Variants in CRMP1 observed in about 807,000 individuals in gnomAD.
CRMP1 encodes the protein dihydropyrimidinase-related protein 1.
In CRMP1, 19 loss-of-function variants were observed where a neutral mutation model predicts 68.3. The ratio of observed to expected loss-of-function variants is 0.28; its 90% CI spans 0.19 to 0.41. The LOEUF (loss-of-function observed/expected upper bound fraction) is 0.41, where lower values mean the gene tolerates loss of function less well. CRMP1 is among the 10% of genes least tolerant of loss of function. The pLI is 1.00. For synonymous variants in CRMP1, 439 were observed against 399.6 expected (o/e 1.10, Z -1.18); for missense variants, 791 against 967.4 (o/e 0.82, Z 2.42).
At chr4:5,837,930 T>A (rs1055147933) in intron 9 of CRMP1, among the ~76,000 whole-genome samples, 1 of 152,168 alleles carries the variant, frequency 6.6e-6, no homozygotes, top group Non-Finnish European at 1.5e-5. Flanking sequence ...AGCTTCTGCA[T>A]GTGTCAGCTA....
chr4:5,852,017 G>A (rs1277199543), intron 4 of CRMP1, among the ~76,000 whole-genome samples: 2 of 152,040 alleles, frequency 1.3e-5, no homozygotes, highest in Non-Finnish European at 2.9e-5. Flanking sequence ...CGAGGAGGAG[G>A]AGGAAAACTC....
rs1268342770 is a variant in CRMP1, at chr4:5,850,842, C to A, written c.882+566G>T. Among the ~76,000 whole-genome samples, 3 of 152,216 alleles carry A rather than the reference C, an allele frequency of 2.0e-5. No homozygotes were observed. The highest frequency in any genetic ancestry group is 1.5e-5 in the Non-Finnish European group (1 of 68,042). On this transcript the variant is annotated intron_variant, in intron 5 of 13. Transcript: ENST00000324989. The surrounding 1 kb of genome is among the most constrained non-coding windows in gnomAD (Gnocchi z 4.4). ...AGGTGTCCTGTAAGTCGTAACCACT[C>A]CTCCTGAAGAACAACTTGCGGCTCC...
intron 4 of CRMP1, among the ~76,000 whole-genome samples, chr4:5,852,326 C>T (rs906673153): frequency 3.3e-5 from 5 of 152,200 alleles, no homozygotes; most frequent in Admixed American, 6.5e-5. Context: ...TTACACCAAA[C>T]GTGTTGGTTT....
chr4:5,836,217 C>T (rs909203086), intron 10 of CRMP1, 132 bp from the exon 11 acceptor site: 3 of 755,446 alleles, frequency 4.0e-6, no homozygotes, highest in East Asian at 3.2e-5. Flanking sequence ...CAGCTAAAAA[C>T]GTGCCATCAT....
Position 5,843,271 on chromosome 4 carries a change from G to A in CRMP1, c.964-110C>T, listed in dbSNP as rs187179451. The stretch of plus-strand genomic sequence containing the variant: ...GGGGGCAGCTGGGTCCCAAAGAGGC[G>A]AGTGGCTTGCACTAGGTTAACAGTG... On this transcript the variant is annotated intron_variant, in intron 6 of 13. Transcript: ENST00000324989. The surrounding 1 kb of genome is among the most constrained non-coding windows in gnomAD (Gnocchi z 4.1). 123 of 1,072,864 alleles carry A rather than the reference G, an allele frequency of 1.1e-4. No homozygotes were observed. The Admixed American group carries it at 1.9e-3, about 16-fold the overall frequency. 66.5% of individuals were successfully genotyped at this position (1,072,864 alleles called of 1,614,324 possible). A position where few individuals can be genotyped will look rare whatever the true frequency, so the allele number is the denominator to read the frequency against.
At position 5,838,347 on chromosome 4, in the gene CRMP1, G is replaced by T. The variant is rs1257332979; in HGVS notation, c.1310+1175C>A. On this transcript the variant is annotated intron_variant, in intron 9 of 13. Transcript: ENST00000324989. This position sits in a 1 kb window ranked among gnomAD's most constrained non-coding sequence, Gnocchi z 4.9. ...GTTCTGCCTTGTTGGATGTTGCAGGGACTTGGGTTTCACTGGCAGAGGACT... is the reference window on the plus strand; with the variant it reads ...GTTCTGCCTTGTTGGATGTTGCAGGTACTTGGGTTTCACTGGCAGAGGACT... 6.6e-6 allele frequency among the ~76,000 whole-genome samples: 1 copy of T among 152,070 alleles called. No individual in the cohort carries two copies. The highest frequency in any genetic ancestry group is 2.1e-4 in the South Asian group (1 of 4,826).
intron 1 of CRMP1, among the ~76,000 whole-genome samples, chr4:5,871,303 G>T (rs1714424361): frequency 6.6e-6 from 1 of 152,172 alleles, no homozygotes; most frequent in African/African-American, 2.4e-5. Context: ...CAGAACTCAA[G>T]CTCAGAGAGA....
At chr4:5,887,389 A>T (rs115340634) in intron 1 of CRMP1, 2 of 985,428 alleles carry the variant, frequency 2.0e-6, no homozygotes, top group African/African-American at 3.5e-5. Flanking sequence ...TCCTGCATAC[A>T]TGGGCTCCAG....
intron 1 of CRMP1, among the ~76,000 whole-genome samples, chr4:5,871,529 G>A (rs779422332): frequency 9.9e-5 from 15 of 152,162 alleles, no homozygotes; most frequent in South Asian, 4.1e-4. Flanking sequence ...GCGTGGTGGC[G>A]CACGCCTGTG....
At chr4:5,864,396 C>T (rs1422753677) in intron 2 of CRMP1, among the ~76,000 whole-genome samples, 5 of 152,212 alleles carry the variant, frequency 3.3e-5, no homozygotes, top group African/African-American at 1.2e-4. Flanking sequence ...GTTAGAAAAC[C>T]TCATTTTTTG....
In CRMP1 at chr4:5,836,814, C is replaced by A; in HGVS notation, c.1403G>T (p.Gly468Val). 6.2e-7 allele frequency: 1 copy of A among 1,614,080 alleles called. No individual in the cohort carries two copies. Residue 468 changes from glycine to valine, a missense_variant, in exon 10 of 14, where the codon GGT (glycine) becomes GTT (valine). By Grantham distance (109) the Gly-to-Val change is moderately radical. Coordinates refer to ENST00000324989, the MANE Select transcript of CRMP1 (RefSeq NM_001014809.3). ...CATCCGCTCCTCTATCCCGTTGACACCCTCGGGGATCAGGGTAAAGTTGTC... is the reference window on the plus strand; with the variant it reads ...CATCCGCTCCTCTATCCCGTTGACAACCTCGGGGATCAGGGTAAAGTTGTC... Reference protein sequence around the residue: ...GKDNFTLIPEGVNGIEERMTV... With the variant: ...GKDNFTLIPEVVNGIEERMTV...
At chr4:5,875,888 C>T (rs1714778700) in intron 1 of CRMP1, among the ~76,000 whole-genome samples, 1 of 152,154 alleles carries the variant, frequency 6.6e-6, no homozygotes, top group African/African-American at 2.4e-5. Context: ...CGCGGTGGCT[C>T]ACACCTGTAA....
chr4:5,874,551 A>AT (rs1714678326), intron 1 of CRMP1, among the ~76,000 whole-genome samples: 1 of 152,102 alleles, frequency 6.6e-6, no homozygotes, highest in Non-Finnish European at 1.5e-5. Flanking sequence ...TTTCATCTCT[A>AT]TATCCTCAGG....
intron 9 of CRMP1, among the ~76,000 whole-genome samples, chr4:5,837,687 T>TAAAATAAAATAAAATAAAATAAAAG (rs1720821867): frequency 6.7e-6 from 1 of 149,116 alleles, no homozygotes; most frequent in Non-Finnish European, 1.5e-5. Context: ...ATAAATAAAA[T>TAAAATAAAATAAAATAAAATAAAAG]AAAATAAAAT....
intron 13 of CRMP1, among the ~76,000 whole-genome samples, chr4:5,823,541 G>C (rs1035883327): frequency 2.6e-5 from 4 of 152,206 alleles, no homozygotes; most frequent in Non-Finnish European, 5.9e-5. Context: ...GGAGGGGTTT[G>C]GGTCATGAAG....
intron 1 of CRMP1, among the ~76,000 whole-genome samples, chr4:5,867,765 A>T (rs1198063932): frequency 6.6e-6 from 1 of 152,204 alleles, no homozygotes; most frequent in African/African-American, 2.4e-5. Context: ...GGGGCTGCCA[A>T]CCTTATCTGG....
intron 1 of CRMP1, among the ~76,000 whole-genome samples, chr4:5,886,007 G>A (rs115238945): frequency 0.014 from 2,163 of 152,314 alleles, 38 homozygotes; most frequent in Non-Finnish European, 0.018. Context: ...ACGTGTATGT[G>A]TGTTATTAGC....
chr4:5,851,577 G>A (rs772742837), intron 4 of CRMP1, 108 bp from the exon 5 acceptor site: 22 of 1,106,330 alleles, frequency 2.0e-5, no homozygotes, highest in Non-Finnish European at 2.7e-5. Flanking sequence ...CAGGAGAGAT[G>A]AGTGCCATTG....
At chr4:5,822,281 G>A (rs146294056) in intron 13 of CRMP1, among the ~76,000 whole-genome samples, 274 of 152,336 alleles carry the variant, frequency 1.8e-3, no homozygotes, top group African/African-American at 5.6e-3. Context: ...CGTGTCTTGC[G>A]GGACACAGGT....
Sources: allele counts gnomAD v4.1 joint callset (sites outside exome capture counted in the v4.1 genomes callset), GRCh38; gene constraint gnomAD v4.1.1; non-coding constraint Gnocchi (gnomAD v3.1); transcripts MANE v1.5; gene names NCBI Gene and HGNC (gene_info 2026-07-23, HGNC 2026-07-21).